SPOCK1: variants seen among roughly 807,000 people sequenced by gnomAD.
SPOCK1 encodes testican-1.
A neutral mutation model predicts 55.3 loss-of-function variants in SPOCK1; 23 were observed. The observed-to-expected ratio is 0.42, with a 90% confidence interval of 0.30 to 0.59. The LOEUF (loss-of-function observed/expected upper bound fraction) is 0.59. SPOCK1 is among the 20% of genes least tolerant of loss of function. SPOCK1 has a pLI of 0.22. For synonymous variants in SPOCK1, 226 were observed against 221.0 expected, an observed-to-expected ratio of 1.02 and a Z score of -0.20; for missense variants, 499 against 552.5, an observed-to-expected ratio of 0.90 and a Z score of 0.97.
chr5:137,024,734 A>G (rs1000348589), intron 6 of SPOCK1, among the ~76,000 whole-genome samples: 5 of 152,140 alleles, frequency 3.3e-5, no homozygotes, highest in African/African-American at 1.2e-4. Context: ...GGCATCCACT[A>G]TATGCTCCAG....
intron 2 of SPOCK1, among the ~76,000 whole-genome samples, chr5:137,428,666 G>A (rs764123541): frequency 2.0e-5 from 3 of 152,116 alleles, no homozygotes; most frequent in Admixed American, 1.3e-4. Context: ...CTCCCTCAAT[G>A]TCCTGCTGCC....
intron 3 of SPOCK1, among the ~76,000 whole-genome samples, chr5:137,159,570 T>C (rs1381275035): frequency 6.6e-6 from 1 of 151,800 alleles, no homozygotes; most frequent in Non-Finnish European, 1.5e-5. Flanking sequence ...AGCTCCCACT[T>C]ATGAGTTAGA....
chr5:137,029,097 C>G (rs1751730581), intron 6 of SPOCK1, among the ~76,000 whole-genome samples: 2 of 152,170 alleles, frequency 1.3e-5, no homozygotes, highest in Admixed American at 6.5e-5. Flanking sequence ...TCTCAGAGAG[C>G]CATACCCAGA....
At chr5:137,230,530 T>A (rs1580818751) in intron 3 of SPOCK1, among the ~76,000 whole-genome samples, 1 of 152,234 alleles carries the variant, frequency 6.6e-6, no homozygotes, top group African/African-American at 2.4e-5. Flanking sequence ...AACTTCATTT[T>A]AAAAAATATA....
intron 2 of SPOCK1, among the ~76,000 whole-genome samples, chr5:137,323,777 C>T (rs938648530): frequency 6.6e-6 from 1 of 152,072 alleles, no homozygotes; most frequent in South Asian, 2.1e-4. Flanking sequence ...AACCACAATA[C>T]GATATTACCT....
intron 5 of SPOCK1, among the ~76,000 whole-genome samples, chr5:137,092,718 T>C (rs1195119151): frequency 6.6e-6 from 1 of 152,160 alleles, no homozygotes; most frequent in Non-Finnish European, 1.5e-5. Context: ...GATCAATCGA[T>C]GAATGGATGG....
chr5:137,176,501 A>C (rs984256810), intron 3 of SPOCK1, among the ~76,000 whole-genome samples: 1 of 53,962 alleles, frequency 1.9e-5, no homozygotes, highest in Non-Finnish European at 3.8e-5. Context: ...CCCCCACCAC[A>C]ATGTGTGTGT....
intron 3 of SPOCK1, among the ~76,000 whole-genome samples, chr5:137,249,367 TTAAA>T (rs1756463016): frequency 6.6e-6 from 1 of 152,194 alleles, no homozygotes; most frequent in Admixed American, 6.5e-5. Flanking sequence ...GGAATCATGG[TTAAA>T]TAAATAACAG....
At chr5:137,231,232 G>T (rs963273992) in intron 3 of SPOCK1, among the ~76,000 whole-genome samples, 1 of 151,966 alleles carries the variant, frequency 6.6e-6, no homozygotes, top group Non-Finnish European at 1.5e-5. Context: ...TTTAGTAGAG[G>T]CAGGGTTTCA....
At chr5:137,172,627 T>C (rs1561635826) in intron 3 of SPOCK1, among the ~76,000 whole-genome samples, 1 of 152,098 alleles carries the variant, frequency 6.6e-6, no homozygotes, top group Non-Finnish European at 1.5e-5. Context: ...TGGTGGGCAA[T>C]CCTAGAGATA....
At chr5:136,981,171 T>TCCTCCAGCTAATTCTGGTATATACTAAA (rs1750723642) in intron 9 of SPOCK1, among the ~76,000 whole-genome samples, 2 of 152,322 alleles carry the variant, frequency 1.3e-5, no homozygotes, top group South Asian at 4.1e-4. Context: ...ATTTATTTAA[T>TCCTCCAGCTAATTCTGGTATATACTAAA]CCTCCAGCTA....
chr5:137,044,299 G>A (rs182832282), intron 6 of SPOCK1, among the ~76,000 whole-genome samples: 23 of 152,272 alleles, frequency 1.5e-4, no homozygotes, highest in African/African-American at 5.1e-4. Flanking sequence ...CAGCAACATC[G>A]GAAATTACCA....
chr5:137,135,295 G>A (rs910111432), intron 4 of SPOCK1, among the ~76,000 whole-genome samples: 1 of 152,086 alleles, frequency 6.6e-6, no homozygotes, highest in Non-Finnish European at 1.5e-5. Context: ...CACTCTGTAG[G>A]GAAACCTCCA....
chr5:137,063,383 A>C (rs184277122), intron 6 of SPOCK1, among the ~76,000 whole-genome samples: 6 of 152,124 alleles, frequency 3.9e-5, no homozygotes, highest in East Asian at 1.9e-4. Flanking sequence ...ACAACAACAA[A>C]AAAATCTTGG....
chr5:137,060,435 C>T (rs187749707), intron 6 of SPOCK1, among the ~76,000 whole-genome samples: 7 of 152,136 alleles, frequency 4.6e-5, no homozygotes, highest in Admixed American at 4.6e-4. Context: ...ACACTAGATA[C>T]CAGGGCCTAC....
intron 6 of SPOCK1, among the ~76,000 whole-genome samples, chr5:137,054,642 A>G (rs948982407): frequency 1.3e-5 from 2 of 152,084 alleles, no homozygotes; most frequent in Non-Finnish European, 2.9e-5. Flanking sequence ...GAGAATTTAG[A>G]GGCCAACTTG....
At chr5:136,979,971 A>G (rs1750697796) in intron 9 of SPOCK1, among the ~76,000 whole-genome samples, 1 of 152,222 alleles carries the variant, frequency 6.6e-6, no homozygotes, top group South Asian at 2.1e-4. Context: ...TATACGCATT[A>G]ACTACTGCAC....
intron 3 of SPOCK1, among the ~76,000 whole-genome samples, chr5:137,218,019 T>A (rs1170384854): frequency 6.6e-6 from 1 of 152,182 alleles, no homozygotes; most frequent in Non-Finnish European, 1.5e-5. Flanking sequence ...CAGCTCAGGA[T>A]TGCCAACACT....
intron 5 of SPOCK1, among the ~76,000 whole-genome samples, chr5:137,074,095 C>T (rs1752679588): frequency 6.6e-6 from 1 of 152,144 alleles, no homozygotes; most frequent in Non-Finnish European, 1.5e-5. Context: ...AAATTGAGGA[C>T]ATTTTATAAC....
Sources: gnomAD v4.1 joint callset for allele counts (sites outside exome capture counted in the v4.1 genomes callset) on GRCh38, gnomAD v4.1.1 for gene constraint, MANE v1.5 for transcripts, NCBI Gene and HGNC (gene_info 2026-07-23, HGNC 2026-07-21) for gene names.